Variants in MORC1 observed in about 807,000 individuals in gnomAD.
MORC1 encodes the protein MORC family CW-type zinc finger 1, also known as MORC family CW-type zinc finger protein 1.
A neutral mutation model predicts 134.9 loss-of-function variants in MORC1; 59 were observed. That is an observed-to-expected ratio of 0.44 (90% CI 0.35 to 0.54). The LOEUF (loss-of-function observed/expected upper bound fraction) is 0.54. Ranked by LOEUF, MORC1 falls within the 20% of genes least tolerant of loss-of-function variation. The probability of loss-of-function intolerance (pLI) is 0.00; values close to 1 mark genes in which losing one functional copy is unlikely to be tolerated. For synonymous variants in MORC1, 395 were observed against 391.7 expected, an observed-to-expected ratio of 1.01 and a Z score of -0.10; for missense variants, 947 against 1,134.5, an observed-to-expected ratio of 0.83 and a Z score of 2.37.
At chr3:109,115,356 CACAGAGAG>C (rs1364586394) in intron 1 of MORC1, among the ~76,000 whole-genome samples, 7 of 112,406 alleles carry the variant, frequency 6.2e-5, no homozygotes, top group African/African-American at 2.2e-4. Context: ...CACACACACA[CACAGAGAG>C]AGAGAATATA....
rs1948374213 is a variant in MORC1, at chr3:109,000,552, C to G, written c.2187+5G>C. 1 of 1,583,580 alleles carries G rather than the reference C, an allele frequency of 6.3e-7. No individual in the cohort carries two copies. Reference sequence around the variant, plus strand: ...AGGTGTCATTTAGTGTATAGTTTATCTCACCAGGATTATATCTGAATCACT... The same window carrying G: ...AGGTGTCATTTAGTGTATAGTTTATGTCACCAGGATTATATCTGAATCACT... On this transcript the variant is annotated splice_donor_5th_base_variant and intron_variant, in intron 21 of 27. Transcript: ENST00000232603.
At chr3:109,096,129 C>T (rs985395520) in intron 6 of MORC1, among the ~76,000 whole-genome samples, 1 of 152,116 alleles carries the variant, frequency 6.6e-6, no homozygotes, top group African/African-American at 2.4e-5. Context: ...GAAACAAGAA[C>T]GAGATATTTT....
intron 27 of MORC1, among the ~76,000 whole-genome samples, chr3:108,961,094 T>C (rs771085443): frequency 2.6e-5 from 4 of 152,200 alleles, no homozygotes; most frequent in South Asian, 2.1e-4. Flanking sequence ...GGCCCAACTA[T>C]GGGATCAACT....
intron 21 of MORC1, among the ~76,000 whole-genome samples, chr3:108,995,526 G>T (rs1315616628): frequency 6.6e-6 from 1 of 152,194 alleles, no homozygotes; most frequent in African/African-American, 2.4e-5. Flanking sequence ...GGGGTTGGTG[G>T]TAAAGTTATG....
chr3:109,111,502 T>C (rs1414951883), intron 2 of MORC1, among the ~76,000 whole-genome samples: 1 of 152,236 alleles, frequency 6.6e-6, no homozygotes, highest in Admixed American at 6.5e-5. Context: ...TTAAAAAAAA[T>C]TCTCCATTTT....
At chr3:109,064,235 G>A (rs1426234956) in intron 9 of MORC1, among the ~76,000 whole-genome samples, 1 of 152,128 alleles carries the variant, frequency 6.6e-6, no homozygotes, top group African/African-American at 2.4e-5. Flanking sequence ...ATTATAGATT[G>A]CTATAGCACA....
chr3:109,116,789 C>T (rs1951284443), intron 1 of MORC1, among the ~76,000 whole-genome samples: 1 of 152,138 alleles, frequency 6.6e-6, no homozygotes, highest in African/African-American at 2.4e-5. Flanking sequence ...CCAAATCCAA[C>T]CAACCAATCT....
chr3:109,071,153 T>A (rs1950307522), intron 8 of MORC1, among the ~76,000 whole-genome samples: 1 of 152,192 alleles, frequency 6.6e-6, no homozygotes, highest in African/African-American at 2.4e-5. Context: ...ATTGTTTAAA[T>A]CCTTTCTGGA....
chr3:108,965,487 T>C (rs545622776), intron 26 of MORC1, among the ~76,000 whole-genome samples: 1 of 152,280 alleles, frequency 6.6e-6, no homozygotes, highest in Admixed American at 6.5e-5. Context: ...TGCCAGGAGT[T>C]AGAGGTAATT....
Position 109,040,829 on chromosome 3 carries a change from CAAAAAA to C in MORC1, c.1331-5367_1331-5362del, listed in dbSNP as rs59122147. On this transcript the variant is annotated intron_variant, in intron 14 of 27. Transcript: ENST00000232603. ...TGGCTGACAGAGTAAAACTCTGTGT[CAAAAAA>C]AAAAAAAAAAAAAAAGAAAGAAAGA... Among the ~76,000 whole-genome samples, 420 of 108,582 alleles carry C rather than the reference CAAAAAA, an allele frequency of 3.9e-3. 1 individual carries two copies. Among genetic ancestry groups the C allele is most frequent in the East Asian group, 0.029 (120 of 4,116 alleles). The allele number at this position is 108,582 out of a possible 152,430, so 71.2% of individuals were successfully genotyped here. A position where few individuals can be genotyped will look rare whatever the true frequency, so the allele number is the denominator to read the frequency against.
chr3:109,088,947 G>A (rs1282744720), intron 8 of MORC1, among the ~76,000 whole-genome samples: 1 of 152,010 alleles, frequency 6.6e-6, no homozygotes, highest in East Asian at 1.9e-4. Context: ...GTTATTTTTA[G>A]CAAACTAACA....
intron 9 of MORC1, among the ~76,000 whole-genome samples, chr3:109,066,829 GTAATTGC>G (rs1950207430): frequency 6.6e-6 from 1 of 152,178 alleles, no homozygotes; most frequent in Admixed American, 6.5e-5. Context: ...TAAGACTCAA[GTAATTGC>G]CAAAGGTCCA....
intron 21 of MORC1, among the ~76,000 whole-genome samples, chr3:108,997,313 A>G (rs1948261479): frequency 6.6e-6 from 1 of 152,188 alleles, no homozygotes; most frequent in African/African-American, 2.4e-5. Context: ...TGGGTGGATC[A>G]CTTGAGGCCA....
intron 17 of MORC1, among the ~76,000 whole-genome samples, chr3:109,011,400 A>G (rs1948679987): frequency 6.6e-6 from 1 of 152,102 alleles, no homozygotes; most frequent in South Asian, 2.1e-4. Flanking sequence ...TCCCTTAATG[A>G]TTAACGAAAT....
intron 24 of MORC1, among the ~76,000 whole-genome samples, chr3:108,976,630 C>T (rs2593951): frequency 0.41 from 61,726 of 152,042 alleles, 13,076 homozygotes; most frequent in Middle Eastern, 0.56. Flanking sequence ...CATTTTGTTT[C>T]AGTTAAATCC....
chr3:108,981,414 A>G (rs1035489227), intron 23 of MORC1, among the ~76,000 whole-genome samples: 4 of 152,190 alleles, frequency 2.6e-5, no homozygotes, highest in Non-Finnish European at 5.9e-5. Context: ...ATATAAACTA[A>G]TGCTTAATTG....
chr3:109,012,640 C>T (rs923631092), intron 17 of MORC1, among the ~76,000 whole-genome samples: 3 of 152,028 alleles, frequency 2.0e-5, no homozygotes, highest in Admixed American at 6.5e-5. Context: ...ATTTCGTCAA[C>T]GTTATCTGTA....
chr3:109,007,002 T>C (rs756575757), intron 18 of MORC1, 27 bp downstream of exon 18: 19 of 562,910 alleles, frequency 3.4e-5, no homozygotes, highest in African/African-American at 5.5e-5. Flanking sequence ...ATGACACAAA[T>C]TGCTTAATCC....
rs9879361 is a variant in MORC1, at chr3:109,028,445, T to C, written c.1566-556A>G. On this transcript the variant is annotated intron_variant, in intron 16 of 27. Transcript: ENST00000232603. ...TCCCCAAATCGCCCACTGGTCCTGA[T>C]GGCAGCATCCTGCCCAAGTGCTCTG... is the stretch of plus-strand genomic sequence containing the variant. Among the ~76,000 whole-genome samples the C allele has an allele frequency of 2.1e-3, 315 of 152,302 alleles. 2 individuals are homozygous for C. The highest frequency in any genetic ancestry group is 7.1e-3 in the African/African-American group (296 of 41,570).
Sources: gnomAD v4.1 joint callset for allele counts (sites outside exome capture counted in the v4.1 genomes callset) on GRCh38, gnomAD v4.1.1 for gene constraint, MANE v1.5 for transcripts, NCBI Gene and HGNC (gene_info 2026-07-23, HGNC 2026-07-21) for gene names.